Variants in SASH1 observed in about 807,000 individuals in gnomAD.
The protein encoded by SASH1 is SAM and SH3 domain containing 1.
A neutral mutation model predicts 125.2 loss-of-function variants in SASH1; 44 were observed. The observed-to-expected ratio is 0.35, with a 90% confidence interval of 0.28 to 0.45. The LOEUF is 0.45. Among genes scored for constraint, SASH1 ranks in the 20% least tolerant of loss-of-function variants. The probability of loss-of-function intolerance (pLI) is 1.00; values close to 1 mark genes in which losing one functional copy is unlikely to be tolerated. For missense variants in SASH1, 1,426 were observed against 1,614.5 expected (o/e 0.88, Z 2.00); for synonymous variants, 639 against 649.1 (o/e 0.98, Z 0.24).
Position 148,532,517 on chromosome 6 carries a change from G to A in SASH1, c.1565-280G>A, listed in dbSNP as rs1237229673. Among the ~76,000 whole-genome samples, 1 of 152,174 alleles carries A rather than the reference G, an allele frequency of 6.6e-6. No individual in the cohort carries two copies. Among genetic ancestry groups the A allele is most frequent in the Non-Finnish European group, 1.5e-5 (1 of 68,026 alleles). On this transcript the variant is annotated intron_variant, in intron 13 of 19. Transcript: ENST00000367467. The surrounding 1 kb of genome is among the most constrained non-coding windows in gnomAD (Gnocchi z 4.7). ...ACGAATGTTAAGAGCAGAGTCTGGT[G>A]CCTGGCCCTGCAGTGTCCTCCACGC...
chr6:148,266,910 C>T, the SASH1 span, among the ~76,000 whole-genome samples: 1 of 152,062 alleles, frequency 6.6e-6, no homozygotes, highest in African/African-American at 2.4e-5. Context: ...CATGCCTGGC[C>T]TCTTTTCTTT....
At chr6:148,456,052 C>T (rs191905437) in intron 4 of SASH1, among the ~76,000 whole-genome samples, 1 of 152,336 alleles carries the variant, frequency 6.6e-6, no homozygotes, top group South Asian at 2.1e-4. Context: ...GGCCAGCAGG[C>T]CTCGGGGATG....
rs1056237461 is a variant in SASH1 at position 148,549,068 on chromosome 6, A to G, written c.*510A>G. ...TTAGAACATCTGGCTGCACCAGGAA[A>G]AAAAAAAAAAAAAAGTCCTGTTCTT... On this transcript the variant is annotated 3_prime_UTR_variant, in exon 20 of 20. Coordinates refer to ENST00000367467, the MANE Select transcript of SASH1 (RefSeq NM_015278.5). 46 of 152,448 alleles carry G rather than the reference A, an allele frequency of 3.0e-4. No individual in the cohort carries two copies. Among genetic ancestry groups the G allele is most frequent in the Non-Finnish European group, 5.7e-4 (39 of 68,572 alleles). The allele number at this position is 152,448 out of a possible 1,614,324, so 9.4% of individuals were successfully genotyped here.
At chr6:148,226,677 A>T in the SASH1 span, among the ~76,000 whole-genome samples, 4 of 152,186 alleles carry the variant, frequency 2.6e-5, no homozygotes, top group Non-Finnish European at 5.9e-5. Context: ...TAGCCTGTGT[A>T]TTCCCACTGG....
intron 1 of SASH1, among the ~76,000 whole-genome samples, chr6:148,347,156 TCTTCAG>T (rs1043058945): frequency 6.6e-6 from 1 of 152,170 alleles, no homozygotes; most frequent in Non-Finnish European, 1.5e-5. Context: ...TTGTGATGGT[TCTTCAG>T]CTTCTGCCTA....
chr6:148,256,260 A>G, the SASH1 span, among the ~76,000 whole-genome samples: 1 of 152,362 alleles, frequency 6.6e-6, no homozygotes, highest in Admixed American at 6.5e-5. Flanking sequence ...ACAAAGATAT[A>G]ACTCATCTTA....
At chr6:148,438,836 T>A (rs1175966077) in intron 2 of SASH1, among the ~76,000 whole-genome samples, 3 of 151,072 alleles carry the variant, frequency 2.0e-5, no homozygotes, top group African/African-American at 7.3e-5. Context: ...GTCAGCCACA[T>A]GCACATTGTT....
At chr6:148,425,696 C>T (rs868104931) in intron 2 of SASH1, among the ~76,000 whole-genome samples, 1 of 112,140 alleles carries the variant, frequency 8.9e-6, no homozygotes, top group Non-Finnish European at 1.8e-5. Context: ...CCCCTCCCCT[C>T]CCCTTCTCCC....
chr6:148,457,696 G>A (rs147992674), intron 4 of SASH1, among the ~76,000 whole-genome samples: 311 of 152,188 alleles, frequency 2.0e-3, no homozygotes, highest in African/African-American at 7.2e-3. Flanking sequence ...CCATCCTCAC[G>A]CTACTAACAA....
At chr6:148,313,773 C>G (rs1193046749) in intron 1 of SASH1, among the ~76,000 whole-genome samples, 2 of 152,170 alleles carry the variant, frequency 1.3e-5, no homozygotes, top group African/African-American at 4.8e-5. Flanking sequence ...GATACTGCTA[C>G]CTGCTCCTTC....
intron 1 of SASH1, among the ~76,000 whole-genome samples, chr6:148,375,710 A>G (rs1248096556): frequency 3.3e-5 from 5 of 152,236 alleles, no homozygotes; most frequent in African/African-American, 1.2e-4. Flanking sequence ...GGGCAGATGC[A>G]TAGATATGGA....
At chr6:148,451,193 T>C (rs1019092365) in intron 4 of SASH1, among the ~76,000 whole-genome samples, 1 of 152,218 alleles carries the variant, frequency 6.6e-6, no homozygotes, top group Non-Finnish European at 1.5e-5. Flanking sequence ...AGTACTTGCA[T>C]TGAATTCACT....
chr6:148,489,326 A>G (rs1324057080), intron 8 of SASH1, among the ~76,000 whole-genome samples: 2 of 152,116 alleles, frequency 1.3e-5, no homozygotes, highest in South Asian at 2.1e-4. Context: ...CCATTGGACT[A>G]TCTCTGTCAT....
At chr6:148,242,285 G>A in the SASH1 span, among the ~76,000 whole-genome samples, 10 of 152,294 alleles carry the variant, frequency 6.6e-5, no homozygotes, top group South Asian at 2.1e-4. Context: ...ATATGTGAAC[G>A]ACTTCTCCAT....
At chr6:148,402,634 A>C (rs1784216945) in intron 2 of SASH1, among the ~76,000 whole-genome samples, 1 of 110,852 alleles carries the variant, frequency 9.0e-6, no homozygotes. Context: ...TTTTTTTTGG[A>C]GACAGAGTCT....
At chr6:148,428,629 CAAA>C (rs369165377) in intron 2 of SASH1, among the ~76,000 whole-genome samples, 2 of 81,816 alleles carry the variant, frequency 2.4e-5, no homozygotes, top group South Asian at 4.2e-4. Flanking sequence ...AACTTTATCT[CAAA>C]AAAAAAAAAA....
At chr6:148,199,855 G>T in the SASH1 span, among the ~76,000 whole-genome samples, 19 of 151,964 alleles carry the variant, frequency 1.3e-4, no homozygotes, top group South Asian at 3.7e-3. Context: ...GGAAAGGAAA[G>T]GAAAGAAAAG....
rs1781404118 is a variant in SASH1, at chr6:148,529,806, T to G, written c.1429-1720T>G. Among the ~76,000 whole-genome samples the G allele has an allele frequency of 7.1e-6, 1 of 141,474 alleles. No individual in the cohort carries two copies. The highest frequency in any genetic ancestry group is 2.8e-5 in the African/African-American group (1 of 36,124). The allele number at this position is 141,474 out of a possible 152,430, so 92.8% of individuals were successfully genotyped here. A position where few individuals can be genotyped will look rare whatever the true frequency, so the allele number is the denominator to read the frequency against. On this transcript the variant is annotated intron_variant, in intron 12 of 19. Transcript: ENST00000367467. This position sits in a 1 kb window ranked among gnomAD's most constrained non-coding sequence, Gnocchi z 4.2. ...AAGGTTTTATGTGGTTGTTTTTTTTTTGTTTTTGTTTTTGTTTTGAGACGG... is the reference window on the plus strand; with the variant it reads ...AAGGTTTTATGTGGTTGTTTTTTTTGTGTTTTTGTTTTTGTTTTGAGACGG...
chr6:148,549,790 C>T lies in SASH1; in HGVS notation c.*1232C>T, dbSNP rs1336976319. ...GTATTTGCTACTTTAAATTGTTTTA[C>T]AACTGATTTCAGCACATTCTATCCT... On this transcript the variant is annotated 3_prime_UTR_variant, in exon 20 of 20. Transcript: ENST00000367467. 2.6e-6 allele frequency: 1 copy of T among 378,406 alleles called. No individual in the cohort carries two copies. Among genetic ancestry groups the T allele is most frequent in the Non-Finnish European group, 4.7e-6 (1 of 213,860 alleles). The allele number at this position is 378,406 out of a possible 1,614,324, so 23.4% of individuals were successfully genotyped here.
Sources: gnomAD v4.1 joint callset for allele counts (sites outside exome capture counted in the v4.1 genomes callset) on GRCh38, gnomAD v4.1.1 for gene constraint, Gnocchi (gnomAD v3.1) non-coding constraint, MANE v1.5 for transcripts, NCBI Gene and HGNC (gene_info 2026-07-23, HGNC 2026-07-21) for gene names.